The following SOX6 variants were observed in gnomAD, a reference collection of about 807,000 sequenced individuals.
SOX6 encodes the protein transcription factor SOX-6.
Under a neutral mutation model 97.8 loss-of-function variants are expected in SOX6, and 11 were observed. The ratio of observed to expected loss-of-function variants is 0.11; its 90% CI spans 0.07 to 0.19. The LOEUF (loss-of-function observed/expected upper bound fraction) is 0.19, where lower values mean the gene tolerates loss of function less well. SOX6 is among the 10% of genes least tolerant of loss of function. SOX6 has a pLI of 1.00. For synonymous variants in SOX6, 360 were observed against 371.4 expected, an observed-to-expected ratio of 0.97 and a Z score of 0.35; for missense variants, 810 against 1,039.5, an observed-to-expected ratio of 0.78 and a Z score of 3.04.
intron 4 of SOX6, among the ~76,000 whole-genome samples, chr11:16,540,302 G>C (rs1861384588): frequency 6.6e-6 from 1 of 152,052 alleles, no homozygotes; most frequent in African/African-American, 2.4e-5. Flanking sequence ...AATAAATTAG[G>C]TATTGATGGG....
rs117966234 is a variant in SOX6, at chr11:16,365,769, T to C, written c.-4-24517A>G. Among the ~76,000 whole-genome samples the C allele has an allele frequency of 1.8e-3, 273 of 152,312 alleles. 7 individuals carry two copies. In the South Asian group the frequency reaches 0.029, roughly 16 times the overall value. ...ATATATTATGCTGTTTGGTGTCATG[T>C]TGACATCCTGTTGACGATGTTCATG... On this transcript the variant is annotated intron_variant, in intron 1 of 15. Coordinates refer to the SOX6 transcript ENST00000396356.
chr11:16,023,970 A>G (rs1855144461), intron 12 of SOX6, among the ~76,000 whole-genome samples: 1 of 152,136 alleles, frequency 6.6e-6, no homozygotes, highest in Admixed American at 6.5e-5. Flanking sequence ...GTGTTTCCCC[A>G]TAATTCATAG....
intron 3 of SOX6, among the ~76,000 whole-genome samples, chr11:16,251,746 A>C (rs1457355681): frequency 2.0e-5 from 3 of 152,098 alleles, no homozygotes; most frequent in Non-Finnish European, 2.9e-5. Context: ...CGACAGGGAC[A>C]TTATGAAAAA....
Position 16,235,541 on chromosome 11 carries a change from C to G in SOX6, c.446-870G>C, listed in dbSNP as rs143938725. Among the ~76,000 whole-genome samples, 378 of 152,034 alleles carry G rather than the reference C, an allele frequency of 2.5e-3. 3 individuals carry two copies. The highest frequency in any genetic ancestry group is 3.9e-3 in the Non-Finnish European group (268 of 67,904). On this transcript the variant is annotated intron_variant, in intron 3 of 15. Coordinates refer to ENST00000683767, the MANE Select transcript of SOX6 (RefSeq NM_001367873.1). Reference sequence around the variant, plus strand: ...AATCTTAACAAATAGGTCATGTTTCCAAAAGGGAATGCAGATTTAAATACT... The same window carrying G: ...AATCTTAACAAATAGGTCATGTTTCGAAAAGGGAATGCAGATTTAAATACT...
chr11:16,223,927 T>C (rs994553426), intron 4 of SOX6, among the ~76,000 whole-genome samples: 4 of 152,264 alleles, frequency 2.6e-5, no homozygotes, highest in Admixed American at 1.3e-4. Flanking sequence ...AAACATATCC[T>C]TTTTTGTTTC....
intron 6 of SOX6, among the ~76,000 whole-genome samples, chr11:16,114,563 C>A (rs960021654): frequency 1.3e-5 from 2 of 152,088 alleles, no homozygotes; most frequent in African/African-American, 4.8e-5. Flanking sequence ...ATAAAACAAG[C>A]AATAAAACAA....
chr11:16,620,500 A>G (rs1168443472), intron 3 of SOX6, among the ~76,000 whole-genome samples: 1 of 152,008 alleles, frequency 6.6e-6, no homozygotes, highest in African/African-American at 2.4e-5. Context: ...TTGGAATCAG[A>G]CTCCAGGGAT....
chr11:16,258,965 T>C (rs1853787192), intron 3 of SOX6, among the ~76,000 whole-genome samples: 1 of 143,438 alleles, frequency 7.0e-6, no homozygotes, highest in Non-Finnish European at 1.5e-5. Flanking sequence ...CTCTATTTTT[T>C]GTGAACCTGA....
intron 3 of SOX6, among the ~76,000 whole-genome samples, chr11:16,638,372 G>T (rs1443634291): frequency 1.3e-5 from 2 of 152,112 alleles, no homozygotes; most frequent in Non-Finnish European, 2.9e-5. Flanking sequence ...ACATATGTGT[G>T]CATGTGTCTT....
chr11:16,095,181 G>A (rs962409668), intron 9 of SOX6, among the ~76,000 whole-genome samples: 1 of 151,848 alleles, frequency 6.6e-6, no homozygotes, highest in Non-Finnish European at 1.5e-5. Flanking sequence ...GAGGTAAACT[G>A]TATCCACTTT....
intron 6 of SOX6, among the ~76,000 whole-genome samples, chr11:16,167,385 C>T (rs1481834292): frequency 6.6e-6 from 1 of 152,142 alleles, no homozygotes; most frequent in Admixed American, 6.5e-5. Flanking sequence ...AATGCCTTCT[C>T]ATGGTCTCCC....
chr11:16,406,556 A>G (rs1590191285), intron 1 of SOX6, among the ~76,000 whole-genome samples: 1 of 152,122 alleles, frequency 6.6e-6, no homozygotes, highest in Non-Finnish European at 1.5e-5. Flanking sequence ...CAAGAGTGTG[A>G]ACAGAAATGT....
chr11:16,471,671 T>C (rs1414652773), intron 1 of SOX6, among the ~76,000 whole-genome samples: 7 of 152,192 alleles, frequency 4.6e-5, no homozygotes, highest in Non-Finnish European at 1.0e-4. Context: ...GTTGAACAGT[T>C]TCCACAACAA....
At chr11:16,644,215 T>C (rs1848973529) in intron 3 of SOX6, among the ~76,000 whole-genome samples, 1 of 152,130 alleles carries the variant, frequency 6.6e-6, no homozygotes, top group Non-Finnish European at 1.5e-5. Context: ...AATTTTTCTA[T>C]TTTTTATAGA....
chr11:16,114,911 C>T (rs1231138826), intron 6 of SOX6, among the ~76,000 whole-genome samples: 6 of 152,126 alleles, frequency 3.9e-5, no homozygotes, highest in Non-Finnish European at 1.5e-5. Context: ...ATCTCAGTGC[C>T]TTAAATTACT....
intron 12 of SOX6, among the ~76,000 whole-genome samples, chr11:16,034,852 G>C (rs996125284): frequency 2.0e-5 from 3 of 152,110 alleles, no homozygotes; most frequent in Admixed American, 1.3e-4. Context: ...GGTGCACACT[G>C]AGATAGACAC....
rs371448914 is a variant in SOX6, at chr11:16,506,026, T to C, written n.610-29638A>G. Among the ~76,000 whole-genome samples, 4 of 152,234 alleles carry C rather than the reference T, an allele frequency of 2.6e-5. No individual in the cohort carries two copies. In the East Asian group the frequency reaches 7.7e-4, roughly 29 times the overall value. The stretch of plus-strand genomic sequence containing the variant: ...GGCAGCATGGATGCAAAATGTAGGG[T>C]TGGAAGCCCCACACAGAGTCCCTGC... On this transcript the variant is annotated intron_variant and non_coding_transcript_variant, in intron 4 of 5. Coordinates refer to the SOX6 transcript ENST00000524520.
At chr11:16,131,519 T>C (rs961375192) in intron 6 of SOX6, among the ~76,000 whole-genome samples, 1 of 152,184 alleles carries the variant, frequency 6.6e-6, no homozygotes, top group East Asian at 1.9e-4. Flanking sequence ...AAAAATGATA[T>C]AGCCACTTTC....
At chr11:16,407,398 T>G (rs1858710141) in intron 1 of SOX6, among the ~76,000 whole-genome samples, 1 of 152,160 alleles carries the variant, frequency 6.6e-6, no homozygotes, top group Non-Finnish European at 1.5e-5. Context: ...AATAAGATTA[T>G]TAAGAAGCTA....
Sources: gnomAD v4.1 joint callset for allele counts (sites outside exome capture counted in the v4.1 genomes callset) on GRCh38, gnomAD v4.1.1 for gene constraint, MANE v1.5 for transcripts, NCBI Gene and HGNC (gene_info 2026-07-23, HGNC 2026-07-21) for gene names.